The following TMPRSS11E variants were observed in gnomAD, a reference collection of about 807,000 sequenced individuals.
The protein encoded by TMPRSS11E is transmembrane protease serine 11E.
Under a neutral mutation model 48.1 loss-of-function variants are expected in TMPRSS11E, and 38 were observed. The observed-to-expected ratio is 0.79, with a 90% CI of 0.61 to 1.04. The LOEUF (loss-of-function observed/expected upper bound fraction) is 1.04, where lower values mean the gene tolerates loss of function less well. TMPRSS11E is among the 50% of genes least tolerant of loss of function. The pLI is 0.00. For synonymous variants in TMPRSS11E, 158 were observed against 171.9 expected (o/e 0.92, Z 0.63); for missense variants, 530 against 510.8 (o/e 1.04, Z -0.36).
intron 1 of TMPRSS11E, among the ~76,000 whole-genome samples, chr4:68,455,851 T>TA (rs1475095128): frequency 6.6e-6 from 1 of 152,024 alleles, no homozygotes; most frequent in African/African-American, 2.4e-5. Context: ...TATCTTGAAC[T>TA]AAAAAGAGTT....
rs150726895 is a variant in TMPRSS11E at position 68,488,195 on chromosome 4, T to C, written c.1111-8448T>C. 3.3e-3 allele frequency among the ~76,000 whole-genome samples: 501 copies of C among 151,806 alleles called. 3 individuals are homozygous for C. The highest frequency in any genetic ancestry group is 0.011 in the African/African-American group (465 of 41,066). Reference sequence around the variant, plus strand: ...GGGTTCTCTGAATTTCTTGAATTTGTATGTTAACCTCTGCAGCAAGATTGG... The same window carrying C: ...GGGTTCTCTGAATTTCTTGAATTTGCATGTTAACCTCTGCAGCAAGATTGG... On this transcript the variant is annotated intron_variant, in intron 9 of 9. Coordinates refer to ENST00000305363, the MANE Select transcript of TMPRSS11E (RefSeq NM_014058.4).
intron 4 of TMPRSS11E, 23 bp downstream of exon 4, chr4:68,468,969 C>T (rs1394307105): frequency 6.4e-7 from 1 of 1,572,646 alleles, no homozygotes; most frequent in Admixed American, 1.7e-5. Context: ...GAATTGCTGA[C>T]TTCTGAATTT....
chr4:68,479,098 C>T, intron 9 of TMPRSS11E, 107 bp downstream of exon 9: 2 of 1,294,224 alleles, frequency 1.5e-6, no homozygotes, highest in East Asian at 2.3e-5. Context: ...GGAGTCACAA[C>T]ATCTCACCCA....
rs34281716 is a variant in TMPRSS11E at position 68,476,776 on chromosome 4, T to C, written c.707+338T>C. 4.1e-3 allele frequency among the ~76,000 whole-genome samples: 626 copies of C among 152,256 alleles called. 2 individuals carry two copies. Among genetic ancestry groups the C allele is most frequent in the Non-Finnish European group, 7.2e-3 (493 of 68,022 alleles). On this transcript the variant is annotated intron_variant, in intron 7 of 9. Coordinates refer to ENST00000305363, the MANE Select transcript of TMPRSS11E (RefSeq NM_014058.4). ...ACCTTAATCAGAGATGGAGTCTGGA[T>C]AGGTTGTAGGTTTGATCCTAAGGGG...
At chr4:68,493,184 C>CACCT (rs1729776801) in intron 9 of TMPRSS11E, among the ~76,000 whole-genome samples, 1 of 152,018 alleles carries the variant, frequency 6.6e-6, no homozygotes, top group Non-Finnish European at 1.5e-5. Flanking sequence ...ATGTACTCAT[C>CACCT]ACCTAGTTCA....
intron 3 of TMPRSS11E, among the ~76,000 whole-genome samples, chr4:68,468,022 A>G (rs1728970095): frequency 6.6e-6 from 1 of 152,112 alleles, no homozygotes; most frequent in Non-Finnish European, 1.5e-5. Context: ...TTAACCCTTA[A>G]ATAAAAATTT....
chr4:68,465,438 G>A (rs1466104736), intron 2 of TMPRSS11E, among the ~76,000 whole-genome samples: 1 of 152,164 alleles, frequency 6.6e-6, no homozygotes, highest in African/African-American at 2.4e-5. Flanking sequence ...GCTTTAATAA[G>A]TGGCTTTTTT....
At chr4:68,457,308 C>T (rs1337885400) in intron 1 of TMPRSS11E, among the ~76,000 whole-genome samples, 1 of 152,184 alleles carries the variant, frequency 6.6e-6, no homozygotes, top group African/African-American at 2.4e-5. Flanking sequence ...AGCTCATCAT[C>T]ACTGTTCATC....
intron 1 of TMPRSS11E, among the ~76,000 whole-genome samples, chr4:68,450,802 G>T (rs1728477336): frequency 6.6e-6 from 1 of 151,876 alleles, no homozygotes; most frequent in Admixed American, 6.6e-5. Context: ...AAGGTGATCA[G>T]AGTATAGCAC....
At chr4:68,464,027 G>C (rs941780381) in intron 2 of TMPRSS11E, among the ~76,000 whole-genome samples, 5 of 152,088 alleles carry the variant, frequency 3.3e-5, no homozygotes, top group African/African-American at 1.2e-4. Context: ...AATTTTTTCA[G>C]TAACCTGTTC....
chr4:68,484,051 A>G (rs1729484998), intron 9 of TMPRSS11E, among the ~76,000 whole-genome samples: 1 of 152,064 alleles, frequency 6.6e-6, no homozygotes, highest in African/African-American at 2.4e-5. Flanking sequence ...TTTGTGGTAT[A>G]GTTTGAAGTC....
intron 4 of TMPRSS11E, among the ~76,000 whole-genome samples, chr4:68,470,053 G>A (rs528998091): frequency 2.6e-5 from 4 of 151,956 alleles, no homozygotes; most frequent in African/African-American, 9.6e-5. Flanking sequence ...GAAAGATGAA[G>A]TCAATTTTGG....
chr4:68,490,637 C>T (rs1472131671), intron 9 of TMPRSS11E, among the ~76,000 whole-genome samples: 9 of 151,644 alleles, frequency 5.9e-5, no homozygotes, highest in South Asian at 2.1e-4. Context: ...ATTACTGCTT[C>T]GCAGTGGTGA....
At chr4:68,478,753 C>G in intron 8 of TMPRSS11E, 96 bp from the exon 9 acceptor site, 4 of 1,365,376 alleles carry the variant, frequency 2.9e-6, no homozygotes, top group Non-Finnish European at 3.1e-6. Flanking sequence ...CCGTGCCTGG[C>G]CTGTATCACC....
intron 6 of TMPRSS11E, 33 bp from the exon 7 acceptor site, chr4:68,476,228 C>G (rs1404717097): frequency 1.2e-6 from 2 of 1,612,512 alleles, no homozygotes; most frequent in Non-Finnish European, 1.7e-6. Flanking sequence ...AATTAATGCA[C>G]CCACCAATGC....
rs759444905 is a variant in TMPRSS11E, at chr4:68,466,619, C to T, written c.137-12C>T. ...TAAAAATTATGATAGTGTTTTGCTT[C>T]TTTCCTTGTAGATCAAAAGAAGACC... On this transcript the variant is annotated splice_polypyrimidine_tract_variant and intron_variant, in intron 2 of 9. Coordinates refer to ENST00000305363, the MANE Select transcript of TMPRSS11E (RefSeq NM_014058.4). The T allele has an allele frequency of 6.2e-6, 10 of 1,609,684 alleles. No individual in the cohort carries two copies. The Admixed American group carries it at 1.7e-4, about 27-fold the overall frequency.
chr4:68,472,412 C>T (rs1252361739), intron 5 of TMPRSS11E, among the ~76,000 whole-genome samples: 1 of 125,762 alleles, frequency 8.0e-6, no homozygotes, highest in Non-Finnish European at 1.9e-5. Context: ...AACAAATAGT[C>T]AATGTAAAAA....
intron 9 of TMPRSS11E, among the ~76,000 whole-genome samples, chr4:68,482,590 CAAAAAAAAAA>C (rs371144994): frequency 3.8e-5 from 4 of 106,054 alleles, no homozygotes; most frequent in Non-Finnish European, 5.4e-5. Flanking sequence ...TGCATCTCCA[CAAAAAAAAAA>C]AAAAAAAAAA....
intron 9 of TMPRSS11E, among the ~76,000 whole-genome samples, chr4:68,491,816 T>C (rs1729732850): frequency 1.3e-5 from 2 of 152,192 alleles, no homozygotes; most frequent in South Asian, 4.1e-4. Context: ...CATTAATTTC[T>C]AAGATTTTTT....
Sources: allele counts gnomAD v4.1 joint callset (sites outside exome capture counted in the v4.1 genomes callset), GRCh38; gene constraint gnomAD v4.1.1; transcripts MANE v1.5; gene names NCBI Gene and HGNC (gene_info 2026-07-23, HGNC 2026-07-21).